ABCC9: variants seen among roughly 807,000 people sequenced by gnomAD.
ABCC9 encodes ATP binding cassette subfamily C member 9.
In ABCC9, 95 loss-of-function variants were observed where a neutral mutation model predicts 188.3. That is an observed-to-expected ratio of 0.50 (90% CI 0.43 to 0.60). The LOEUF is 0.60. Among genes scored for constraint, ABCC9 ranks in the 20% least tolerant of loss-of-function variants. The pLI, the probability that ABCC9 is intolerant of heterozygous loss-of-function variation, is 0.00. For missense variants in ABCC9, 1,102 were observed against 1,876.3 expected (o/e 0.59, Z 7.62); for synonymous variants, 659 against 652.7 (o/e 1.01, Z -0.15).
intron 39 of ABCC9, among the ~76,000 whole-genome samples, chr12:21,805,621 G>T (rs1253244008): frequency 6.6e-6 from 1 of 152,136 alleles, no homozygotes; most frequent in Non-Finnish European, 1.5e-5. Flanking sequence ...ATAGATAGTA[G>T]CAGAATAAGC....
chr12:21,922,265 T>C (rs1403914219), intron 5 of ABCC9, among the ~76,000 whole-genome samples: 2 of 152,012 alleles, frequency 1.3e-5, no homozygotes, highest in Non-Finnish European at 2.9e-5. Flanking sequence ...ATAGTTTTTG[T>C]TACAGAGATC....
At chr12:21,915,500 GTATATA>G (rs1948554206) in intron 7 of ABCC9, among the ~76,000 whole-genome samples, 162 bp downstream of exon 7, 1 of 8,362 alleles carries the variant, frequency 1.2e-4, no homozygotes, top group Admixed American at 2.7e-3. Flanking sequence ...GTGTGTGTGT[GTATATA>G]TATATATATT....
chr12:21,848,505 A>G (rs1944801727), intron 24 of ABCC9, among the ~76,000 whole-genome samples: 1 of 152,180 alleles, frequency 6.6e-6, no homozygotes, highest in African/African-American at 2.4e-5. Flanking sequence ...AACTGACTCC[A>G]GAAGCAGGGT....
intron 10 of ABCC9, among the ~76,000 whole-genome samples, chr12:21,909,653 G>A (rs1948221704): frequency 6.6e-6 from 1 of 151,840 alleles, no homozygotes; most frequent in South Asian, 2.1e-4. Flanking sequence ...TGAAACTATG[G>A]GATTGATTAA....
chr12:21,828,508 G>C (rs1943525644), intron 31 of ABCC9: 1 of 248,876 alleles, frequency 4.0e-6, no homozygotes, highest in Admixed American at 5.1e-5. Context: ...CATTATGCAA[G>C]ACAGAAGGCA....
chr12:21,875,702 C>T lies in ABCC9; in HGVS notation c.2044G>A (p.Gly682Ser), dbSNP rs1946307036. ...IKVTNGYFSW[G>S]SGLATLSNID... ...TTGGATAATGTAGCTAAACCACTGC[C>T]CCATGAAAAGTATCCATTTGTGACC... The change falls in exon 17 of 40, where the codon GGC becomes AGC. Residue 682 changes from glycine to serine, a missense_variant. Physicochemically the swap from Gly to Ser is moderately conservative, Grantham distance 56 (BLOSUM62 0). This residue lies in a region of ABCC9 where 258 missense variants were observed against 325.6 expected (regional missense o/e 0.79). Transcript: ENST00000261200. 1 of 1,612,306 alleles carries T rather than the reference C, an allele frequency of 6.2e-7. No individual in the cohort carries two copies. The highest frequency in any genetic ancestry group is 8.5e-7 in the Non-Finnish European group (1 of 1,178,582).
chr12:21,923,915 C>A, intron 5 of ABCC9: 1 of 666,856 alleles, frequency 1.5e-6, no homozygotes, highest in South Asian at 1.7e-5. Context: ...TATAGTTATA[C>A]AATGAAATGC....
intron 4 of ABCC9, among the ~76,000 whole-genome samples, chr12:21,933,430 G>T (rs1463111748): frequency 6.6e-6 from 1 of 151,928 alleles, no homozygotes; most frequent in Non-Finnish European, 1.5e-5. Context: ...AAGTTTTGTG[G>T]TTTGCATCAA....
At chr12:21,899,884 G>C (rs552689089) in intron 12 of ABCC9, among the ~76,000 whole-genome samples, 30 of 152,344 alleles carry the variant, frequency 2.0e-4, no homozygotes, top group Middle Eastern at 3.4e-3. Flanking sequence ...ACCTCTGGGG[G>C]CAGGGCATAG....
At chr12:21,914,995 G>A (rs1021643346) in intron 7 of ABCC9, among the ~76,000 whole-genome samples, 1 of 151,350 alleles carries the variant, frequency 6.6e-6, no homozygotes, top group Non-Finnish European at 1.5e-5. Context: ...TCGCCTCCCG[G>A]TTTCAAGCAA....
At chr12:21,883,679 C>T (rs545448908) in intron 15 of ABCC9, among the ~76,000 whole-genome samples, 6 of 152,136 alleles carry the variant, frequency 3.9e-5, no homozygotes, top group African/African-American at 9.6e-5. Flanking sequence ...TTGAGCTACA[C>T]GGCACCCAGC....
chr12:21,806,289 T>C (rs1027116578), intron 38 of ABCC9, among the ~76,000 whole-genome samples: 1 of 152,120 alleles, frequency 6.6e-6, no homozygotes, highest in Non-Finnish European at 1.5e-5. Flanking sequence ...AAGTGGGTGA[T>C]AGATTTATTT....
At chr12:21,899,924 G>A (rs1809553969) in intron 12 of ABCC9, among the ~76,000 whole-genome samples, 1 of 152,194 alleles carries the variant, frequency 6.6e-6, no homozygotes. Context: ...AACCTCTGCA[G>A]ACTTAAATGT....
At chr12:21,905,993 G>T in intron 12 of ABCC9, 133 bp downstream of exon 12, 1 of 999,502 alleles carries the variant, frequency 1.0e-6, no homozygotes, top group Non-Finnish European at 1.6e-6. Context: ...CTATTGGACA[G>T]CACGTGTTTA....
chr12:21,870,500 C>A (rs1429677386), intron 18 of ABCC9, among the ~76,000 whole-genome samples: 1 of 152,156 alleles, frequency 6.6e-6, no homozygotes. Flanking sequence ...TCAAGTGATA[C>A]TCCTGCCTCA....
rs1164282562 is a variant in ABCC9 at position 21,926,669 on chromosome 12, G to A, written c.285-606C>T. Among the ~76,000 whole-genome samples the A allele has an allele frequency of 2.6e-5, 4 of 152,204 alleles. No individual in the cohort carries two copies. The East Asian group carries it at 7.7e-4, about 29-fold the overall frequency. On this transcript the variant is annotated intron_variant, in intron 4 of 39. Coordinates refer to ENST00000261200, the MANE Select transcript of ABCC9 (RefSeq NM_020297.4). ...GCACGTCTGGGACAAAGAAAGCTTT[G>A]AGAAGGAAGTGACTTCTAAACTGAC...
chr12:21,885,665 C>T (rs1453969738), intron 15 of ABCC9, among the ~76,000 whole-genome samples: 3 of 152,110 alleles, frequency 2.0e-5, no homozygotes, highest in East Asian at 1.9e-4. Context: ...TGTCCATGTC[C>T]CCACACTAAC....
chr12:21,849,661 A>G (rs765754916), intron 24 of ABCC9, among the ~76,000 whole-genome samples: 2 of 152,226 alleles, frequency 1.3e-5, no homozygotes, highest in African/African-American at 4.8e-5. Flanking sequence ...CTAAGAGTAA[A>G]TGCTCATATT....
rs1946988967 is a variant in ABCC9, at chr12:21,888,450, T to A, written c.1803-516A>T. 2.0e-5 allele frequency among the ~76,000 whole-genome samples: 3 copies of A among 152,246 alleles called. No individual in the cohort carries two copies. The South Asian group carries it at 6.2e-4, about 32-fold the overall frequency. On this transcript the variant is annotated intron_variant, in intron 14 of 39. Coordinates refer to ENST00000261200, the MANE Select transcript of ABCC9 (RefSeq NM_020297.4). The stretch of plus-strand genomic sequence containing the variant: ...ATCTTGCTTAAGCACTATGCATGAT[T>A]CACATTTTCTGAACCTGGCAAGGAG...
Sources: allele counts gnomAD v4.1 joint callset (sites outside exome capture counted in the v4.1 genomes callset), GRCh38; gene constraint gnomAD v4.1.1; regional missense constraint gnomAD v4.1.1; transcripts MANE v1.5; gene names NCBI Gene and HGNC (gene_info 2026-07-23, HGNC 2026-07-21).